The following MYT1 variants were observed in gnomAD, a reference collection of about 807,000 sequenced individuals.
The protein encoded by MYT1 is myelin transcription factor I.
Under a neutral mutation model 123.0 loss-of-function variants are expected in MYT1, and 23 were observed. The ratio of observed to expected loss-of-function variants is 0.19; its 90% CI spans 0.13 to 0.26. The LOEUF (loss-of-function observed/expected upper bound fraction) is 0.26. MYT1 is among the 10% of genes least tolerant of loss of function. MYT1 has a pLI of 1.00. For missense variants in MYT1, 1,125 were observed against 1,472.5 expected (o/e 0.76, Z 3.86); for synonymous variants, 518 against 575.3 (o/e 0.90, Z 1.43).
chr20:64,232,249 G>A lies in MYT1; in HGVS notation c.2761G>A (p.Ala921Thr), dbSNP rs759011128. ...GAGCGCATCCGGCTGCCCACTGGCC[G>A]CCCGCAGGCAGAAGGAAGGGTCCCT... ...HRSASGCPLAARRQKEGSLNG... is the reference protein window; with the variant it reads ...HRSASGCPLATRRQKEGSLNG... The change falls in exon 19 of 23, where the codon GCC (alanine) becomes ACC (threonine). Residue 921 changes from alanine (A) to threonine (T), a missense_variant. Transcript: ENST00000328439. This position sits in a 1 kb window ranked among gnomAD's most constrained non-coding sequence, Gnocchi z 6.9. 48 of 1,613,006 alleles carry A rather than the reference G, an allele frequency of 3.0e-5. No homozygotes were observed. The highest frequency in any genetic ancestry group is 1.6e-4 in the African/African-American group (12 of 74,916).
At chr20:64,209,612 G>A (rs1983605162) in intron 7 of MYT1, among the ~76,000 whole-genome samples, 1 of 152,210 alleles carries the variant, frequency 6.6e-6, no homozygotes, top group Admixed American at 6.5e-5. Context: ...GAACTGGGAT[G>A]GGAGATGACT....
chr20:64,182,307 G>A (rs973671109), intron 1 of MYT1, among the ~76,000 whole-genome samples: 2 of 152,174 alleles, frequency 1.3e-5, no homozygotes, highest in Admixed American at 1.3e-4. Context: ...GAGCAGCCAC[G>A]GTGTCCCAGG....
rs376668480 is a variant in MYT1 at position 64,208,771 on chromosome 20, G to A, written c.1291+284G>A. 7.9e-5 allele frequency among the ~76,000 whole-genome samples: 12 copies of A among 152,228 alleles called. No homozygotes were observed. Among genetic ancestry groups the A allele is most frequent in the East Asian group, 7.7e-4 (4 of 5,194 alleles). ...GACAGTGACCCACCCACAGTGACTG[G>A]TCACAGCAGCATCTGGGGTCTGGAG... On this transcript the variant is annotated intron_variant, in intron 7 of 22. Coordinates refer to ENST00000328439, the MANE Select transcript of MYT1 (RefSeq NM_004535.3). The surrounding 1 kb of genome is among the most constrained non-coding windows in gnomAD (Gnocchi z 5.4).
intron 10 of MYT1, among the ~76,000 whole-genome samples, chr20:64,216,128 C>T (rs1005571060): frequency 4.6e-5 from 7 of 152,174 alleles, no homozygotes; most frequent in Non-Finnish European, 7.3e-5. Flanking sequence ...CTTAAGTTCT[C>T]GTAGCACCCA....
At chr20:64,194,395 T>C (rs565305411) in intron 2 of MYT1, among the ~76,000 whole-genome samples, 15 of 152,340 alleles carry the variant, frequency 9.8e-5, no homozygotes, top group Middle Eastern at 3.4e-3. Flanking sequence ...GCTCTCTGTT[T>C]CTTGAACTCT....
At chr20:64,236,241 T>TGTGGTGGGTGACCCTGGGCTGGCC (rs1984535851) in intron 19 of MYT1, among the ~76,000 whole-genome samples, 2 of 53,156 alleles carry the variant, frequency 3.8e-5, no homozygotes, top group African/African-American at 7.6e-5. Context: ...CTGGGATGGC[T>TGTGGTGGGTGACCCTGGGCTGGCC]GTGGTGGGTG....
At chr20:64,206,516 T>C (rs1302703890) in intron 6 of MYT1, among the ~76,000 whole-genome samples, 2 of 151,842 alleles carry the variant, frequency 1.3e-5, no homozygotes, top group African/African-American at 4.8e-5. Context: ...AGACCTGGGG[T>C]CAGATGAGGC....
At chr20:64,225,115 C>T (rs1327908893) in intron 16 of MYT1, among the ~76,000 whole-genome samples, 1 of 152,232 alleles carries the variant, frequency 6.6e-6, no homozygotes, top group African/African-American at 2.4e-5. Flanking sequence ...TCCACTCTCC[C>T]CCAGGGGCCT....
intron 6 of MYT1, among the ~76,000 whole-genome samples, chr20:64,206,126 G>A (rs1044128539): frequency 1.3e-5 from 2 of 152,176 alleles, no homozygotes; most frequent in Admixed American, 6.5e-5. Context: ...AGACAAGGCT[G>A]TGTCTCTGTG....
Position 64,213,558 on chromosome 20 carries a change from C to T in MYT1, c.1542C>T (p.Ala514=), listed in dbSNP as rs150997456. Residue 514 remains alanine (A), a synonymous_variant, in exon 10 of 23, where the codon GCC becomes GCT. Transcript: ENST00000328439. The surrounding 1 kb of genome is among the most constrained non-coding windows in gnomAD (Gnocchi z 5.6). The part of the protein sequence containing the change: ...HRSLSGCPIA[A]AEKLAKSHEK... ...GTTTGTCTGGGTGTCCCATTGCTGC[C>T]GCCGAAAAATTAGCCAAATCCCATG... 1.1e-4 allele frequency: 178 copies of T among 1,613,942 alleles called. 1 individual carries two copies. Among genetic ancestry groups the T allele is most frequent in the South Asian group, 1.6e-4 (15 of 91,082 alleles).
At chr20:64,170,912 G>GAGAGAGAA (rs1982253340) in intron 1 of MYT1, among the ~76,000 whole-genome samples, 1 of 131,590 alleles carries the variant, frequency 7.6e-6, no homozygotes, top group Non-Finnish European at 1.6e-5. Flanking sequence ...GAGAGAGAGA[G>GAGAGAGAA]AGAGAGAGAG....
chr20:64,227,813 A>C, intron 17 of MYT1, 75 bp from the exon 18 acceptor site: 64 of 626,204 alleles, frequency 1.0e-4, no homozygotes, highest in Middle Eastern at 3.5e-4. Context: ...GCTTGAGGGG[A>C]GAGGGTGAGA....
intron 16 of MYT1, among the ~76,000 whole-genome samples, chr20:64,226,733 C>T (rs932834077): frequency 1.3e-5 from 2 of 152,272 alleles, no homozygotes; most frequent in African/African-American, 4.8e-5. Flanking sequence ...TTATGTGATA[C>T]ATTCGTCAAA....
Position 64,237,403 on chromosome 20 carries a change from G to GC in MYT1, c.3093+19dup, listed in dbSNP as rs767462524. 30 of 1,584,306 alleles carry GC rather than the reference G, an allele frequency of 1.9e-5. No individual in the cohort carries two copies. Among genetic ancestry groups the GC allele is most frequent in the Non-Finnish European group, 2.1e-5 (24 of 1,164,056 alleles). ...GCTGCAGTCCCAGGTAGGTGGTGCC[G>GC]CCCCCCGCTCCTGGGCTCTTTGCCC... On this transcript the variant is annotated intron_variant, in intron 21 of 22. Transcript: ENST00000328439.
intron 20 of MYT1, 113 bp downstream of exon 20, chr20:64,236,759 A>C: frequency 1.1e-6 from 1 of 889,480 alleles, no homozygotes; most frequent in Admixed American, 2.0e-5. Flanking sequence ...CCCCTCCTGG[A>C]ATGAGTCACG....
Position 64,167,557 on chromosome 20 carries a change from G to T in MYT1, c.-99+2818G>T, listed in dbSNP as rs1313176992. ...TCTGCGAGCAGGCAGGGTACTGGAC[G>T]GTCAGCCAGACTTTCATGTTACTCA... is the stretch of plus-strand genomic sequence containing the variant. On this transcript the variant is annotated intron_variant, in intron 1 of 22. Coordinates refer to ENST00000328439, the MANE Select transcript of MYT1 (RefSeq NM_004535.3). The surrounding 1 kb of genome is among the most constrained non-coding windows in gnomAD (Gnocchi z 6.3). Among the ~76,000 whole-genome samples the T allele has an allele frequency of 6.6e-6, 1 of 152,174 alleles. No homozygotes were observed. The highest frequency in any genetic ancestry group is 1.5e-5 in the Non-Finnish European group (1 of 68,032).
chr20:64,194,820 T>G (rs1434504987), intron 2 of MYT1, among the ~76,000 whole-genome samples: 1 of 152,220 alleles, frequency 6.6e-6, no homozygotes, highest in East Asian at 1.9e-4. Context: ...CTGATATCTT[T>G]GGAAGCTGAG....
Position 64,202,074 on chromosome 20 carries a change from G to GTCGGGAACCTCTGCGTTTCGGGAACCC in MYT1, c.86+2152_86+2153insTCGGGAACCTCTGCGTTTCGGGAACCC, listed in dbSNP as rs1555812043. Among the ~76,000 whole-genome samples, 2 of 151,956 alleles carry GTCGGGAACCTCTGCGTTTCGGGAACCC rather than the reference G, an allele frequency of 1.3e-5. No individual in the cohort carries two copies. The highest frequency in any genetic ancestry group is 2.9e-5 in the Non-Finnish European group (2 of 67,974). On this transcript the variant is annotated intron_variant, in intron 4 of 22. Coordinates refer to ENST00000328439, the MANE Select transcript of MYT1 (RefSeq NM_004535.3). This position sits in a 1 kb window ranked among gnomAD's most constrained non-coding sequence, Gnocchi z 5.0. ...CTCTGCGTGTCGGGAACCCCTGTGT[G>GTCGGGAACCTCTGCGTTTCGGGAACCC]CAGGACTTTCTCTGTGGATGACTTA...
Position 64,207,938 on chromosome 20 carries a change from T to C in MYT1, c.742T>C (p.Ser248Pro). 6.3e-7 allele frequency: 1 copy of C among 1,592,016 alleles called. No homozygotes were observed. The highest frequency in any genetic ancestry group is 8.5e-7 in the Non-Finnish European group (1 of 1,172,642). Residue 248 changes from serine to proline, a missense_variant, in exon 7 of 23, where the codon TCC becomes CCC. Ser to Pro is a moderately conservative substitution (Grantham distance 74). This residue lies in a region of MYT1 where 406 missense variants were observed against 432.2 expected (regional missense o/e 0.94). Coordinates refer to ENST00000328439, the MANE Select transcript of MYT1 (RefSeq NM_004535.3). Reference protein sequence around the residue: ...QSLEDAASEESSKQKGILSHE... With the variant: ...QSLEDAASEEPSKQKGILSHE... Reference sequence around the variant, plus strand: ...CCTGGAGGATGCAGCCAGTGAGGAGTCCAGCAAGCAGAAAGGCATCCTGAG... The same window carrying C: ...CCTGGAGGATGCAGCCAGTGAGGAGCCCAGCAAGCAGAAAGGCATCCTGAG...
Sources: allele counts gnomAD v4.1 joint callset (sites outside exome capture counted in the v4.1 genomes callset), GRCh38; gene constraint gnomAD v4.1.1; regional missense constraint gnomAD v4.1.1; non-coding constraint Gnocchi (gnomAD v3.1); transcripts MANE v1.5; gene names NCBI Gene and HGNC (gene_info 2026-07-23, HGNC 2026-07-21).